CMAS: variants seen among roughly 807,000 people sequenced by gnomAD.
CMAS encodes the protein cytidine monophosphate N-acetylneuraminic acid synthetase.
CMAS carries 21 observed loss-of-function variants against 53.4 expected under a neutral mutation model. The ratio of observed to expected loss-of-function variants is 0.39; its 90% CI spans 0.28 to 0.57. The LOEUF (loss-of-function observed/expected upper bound fraction) is 0.57, where lower values mean the gene tolerates loss of function less well. CMAS is among the 20% of genes least tolerant of loss of function. The pLI is 0.56. For synonymous variants in CMAS, 189 were observed against 195.2 expected (o/e 0.97, Z 0.27); for missense variants, 384 against 534.9 (o/e 0.72, Z 2.78).
intron 1 of CMAS, among the ~76,000 whole-genome samples, chr12:22,047,178 A>G (rs997041137): frequency 6.6e-6 from 1 of 152,130 alleles, no homozygotes; most frequent in African/African-American, 2.4e-5. Context: ...AAGGTGTACA[A>G]CTGACTGTTT....
At chr12:22,049,750 C>G (rs1305203362) in intron 1 of CMAS, among the ~76,000 whole-genome samples, 1 of 151,984 alleles carries the variant, frequency 6.6e-6, no homozygotes, top group Non-Finnish European at 1.5e-5. Flanking sequence ...ACCAAAAATA[C>G]AAAAATTAGC....
chr12:22,046,528 C>G lies in CMAS; in HGVS notation c.225C>G (p.Val75=). 1 of 1,601,804 alleles carries G rather than the reference C, an allele frequency of 6.2e-7. No individual in the cohort carries two copies. The highest frequency in any genetic ancestry group is 1.3e-5 in the African/African-American group (1 of 74,180). The change falls in exon 1 of 8, where the codon GTC becomes GTG. Residue 75 remains valine (V), a synonymous_variant. Coordinates refer to ENST00000229329, the MANE Select transcript of CMAS (RefSeq NM_018686.6). ...CGGGGGTCCCGCTCATTGGCTGGGT[C>G]CTGCGTGCGGCCCTGGATTCAGGGG... ...HLAGVPLIGW[V]LRAALDSGAF... is the part of the protein sequence containing the mutation.
chr12:22,049,950 A>G (rs1359429205), intron 1 of CMAS, among the ~76,000 whole-genome samples: 1 of 151,994 alleles, frequency 6.6e-6, no homozygotes, highest in Non-Finnish European at 1.5e-5. Context: ...AAATGAATGT[A>G]TTTCTAACTT....
In CMAS at chr12:22,065,515, CAAGT is replaced by C. The variant is rs1950341763; in HGVS notation, c.*208_*211del. 1 of 500,038 alleles carries C rather than the reference CAAGT, an allele frequency of 2.0e-6. No individual in the cohort carries two copies. Among genetic ancestry groups the C allele is most frequent in the Non-Finnish European group, 3.6e-6 (1 of 277,408 alleles). 31.0% of individuals were successfully genotyped at this position (500,038 alleles called of 1,614,324 possible). Reference sequence around the variant, plus strand: ...GTCTTTCTCAGATTTTTAGTAAATGCAAGTAAGAACATCATCAAAGTTCACTTTG... The same window carrying C: ...GTCTTTCTCAGATTTTTAGTAAATGCAAGAACATCATCAAAGTTCACTTTG... On this transcript the variant is annotated 3_prime_UTR_variant, in exon 8 of 8. Coordinates refer to ENST00000229329, the MANE Select transcript of CMAS (RefSeq NM_018686.6).
intron 1 of CMAS, among the ~76,000 whole-genome samples, chr12:22,053,020 G>A (rs746268427): frequency 3.9e-5 from 6 of 152,188 alleles, no homozygotes; most frequent in South Asian, 2.1e-4. Flanking sequence ...TCAGCCGAGC[G>A]TGGTGGCTTA....
chr12:22,048,381 G>C (rs531740818), intron 1 of CMAS, among the ~76,000 whole-genome samples: 1 of 152,282 alleles, frequency 6.6e-6, no homozygotes, highest in Admixed American at 6.5e-5. Context: ...ACTGAGAACT[G>C]CAGAACTCTC....
intron 3 of CMAS, among the ~76,000 whole-genome samples, chr12:22,057,260 C>A (rs1035813226): frequency 6.6e-6 from 1 of 150,760 alleles, no homozygotes; most frequent in Non-Finnish European, 1.5e-5. Flanking sequence ...CACACACACA[C>A]ACACACACAC....
chr12:22,062,259 CCTTTT>C lies in CMAS; in HGVS notation c.961-21_961-17del. 1 of 1,376,208 alleles carries C rather than the reference CCTTTT, an allele frequency of 7.3e-7. No individual in the cohort carries two copies. Among genetic ancestry groups the C allele is most frequent in the Non-Finnish European group, 9.7e-7 (1 of 1,027,342 alleles). 85.2% of individuals were successfully genotyped at this position (1,376,208 alleles called of 1,614,324 possible). A position where few individuals can be genotyped will look rare whatever the true frequency, so the allele number is the denominator to read the frequency against. On this transcript the variant is annotated splice_polypyrimidine_tract_variant and intron_variant, in intron 6 of 7. Transcript: ENST00000229329. The stretch of plus-strand genomic sequence containing the variant: ...TTAATTTTTCCCTTCTTCCTCCAAT[CCTTTT>C]TTTTTTTTTTTTTAAGGTGAGGCTA...
chr12:22,062,682 C>G (rs1950316691), intron 7 of CMAS, among the ~76,000 whole-genome samples: 2 of 152,042 alleles, frequency 1.3e-5, no homozygotes, highest in Admixed American at 1.3e-4. Flanking sequence ...CACTGATTAG[C>G]CAGTTGTGAT....
At chr12:22,062,107 C>T (rs532677346) in intron 6 of CMAS, among the ~76,000 whole-genome samples, 174 bp from the exon 7 acceptor site, 13 of 152,238 alleles carry the variant, frequency 8.5e-5, no homozygotes, top group African/African-American at 2.9e-4. Context: ...TGTTTTAAAG[C>T]ATCATGATTT....
At chr12:22,047,036 G>A (rs894583276) in intron 1 of CMAS, among the ~76,000 whole-genome samples, 3 of 152,128 alleles carry the variant, frequency 2.0e-5, no homozygotes, top group Non-Finnish European at 2.9e-5. Context: ...GAGTGTCGGG[G>A]TGTCAGAGCT....
At chr12:22,047,517 T>G (rs993189988) in intron 1 of CMAS, among the ~76,000 whole-genome samples, 2 of 152,184 alleles carry the variant, frequency 1.3e-5, no homozygotes, top group African/African-American at 4.8e-5. Context: ...TATTAATATA[T>G]GGGTAAATGA....
At chr12:22,058,778 C>T (rs1950286632) in intron 4 of CMAS, 78 bp downstream of exon 4, 4 of 1,478,628 alleles carry the variant, frequency 2.7e-6, no homozygotes, top group African/African-American at 1.4e-5. Context: ...AAGTATGGTA[C>T]AATTTCTTTA....
intron 1 of CMAS, among the ~76,000 whole-genome samples, chr12:22,049,590 G>A (rs4237918): frequency 1 from 151,875 of 152,338 alleles, 75,708 homozygotes; most frequent in Middle Eastern, 1. Flanking sequence ...CAAGCCACCT[G>A]TGGTATCTGT....
At chr12:22,050,130 C>G (rs1950231867) in intron 1 of CMAS, among the ~76,000 whole-genome samples, 1 of 152,142 alleles carries the variant, frequency 6.6e-6, no homozygotes, top group Admixed American at 6.5e-5. Context: ...AGTAATTGTG[C>G]CTTTGTTTTC....
intron 7 of CMAS, 83 bp downstream of exon 7, chr12:22,062,517 C>A: frequency 7.4e-7 from 1 of 1,350,378 alleles, no homozygotes; most frequent in Non-Finnish European, 1.0e-6. Context: ...CAAAGCACAT[C>A]CTCCAAATGG....
rs551769747 is a variant in CMAS at position 22,059,119 on chromosome 12, G to A, written c.693+419G>A. Among the ~76,000 whole-genome samples, 12 of 142,178 alleles carry A rather than the reference G, an allele frequency of 8.4e-5. No homozygotes were observed. The South Asian group carries it at 1.1e-3, about 13-fold the overall frequency. 93.3% of individuals were successfully genotyped at this position (142,178 alleles called of 152,430 possible). Reference sequence around the variant, plus strand: ...TTACAACCTGGGTGTCAGGAAACCCGGAATCTTTTTATATATATATATATA... The same window carrying A: ...TTACAACCTGGGTGTCAGGAAACCCAGAATCTTTTTATATATATATATATA... On this transcript the variant is annotated intron_variant, in intron 4 of 7. Transcript: ENST00000229329.
In CMAS at chr12:22,055,538, G is replaced by A. The variant is rs772211498; in HGVS notation, c.487G>A (p.Glu163Lys). Residue 163 changes from glutamate (E) to lysine (K), a missense_variant, in exon 3 of 8, where the codon GAA (glutamate) becomes AAA (lysine). Around this residue, in one of 3 missense-constraint regions of CMAS, gnomAD observed 139 missense variants for 248.0 expected, o/e 0.56. Transcript: ENST00000229329. ...TCAAAAAGTTGCAGAAATGATTCGA[G>A]AAGAAGGATATGATTCTGTTTTCTC... ...DLQKVAEMIREEGYDSVFSVV... is the reference protein window; with the variant it reads ...DLQKVAEMIRKEGYDSVFSVV... 3.3e-5 allele frequency: 53 copies of A among 1,612,266 alleles called. No individual in the cohort carries two copies. Among genetic ancestry groups the A allele is most frequent in the Non-Finnish European group, 4.2e-5 (49 of 1,179,556 alleles).
In CMAS at chr12:22,055,268, T is replaced by C. The variant is rs371108787; in HGVS notation, c.380T>C (p.Ile127Thr). 68 of 1,605,334 alleles carry C rather than the reference T, an allele frequency of 4.2e-5. No individual in the cohort carries two copies. The highest frequency in any genetic ancestry group is 5.7e-5 in the Non-Finnish European group (67 of 1,174,058). The part of the protein sequence containing the change: ...KDSSTSLDAI[I>T]EFLNYHNEVD... ...AGCTCTACCTCACTAGATGCCATCA[T>C]AGAATTTCTTAATTATCATAATGGT... The change falls in exon 2 of 8, where the codon ATA becomes ACA. Residue 127 changes from isoleucine (I) to threonine (T), a missense_variant. Physicochemically the swap from Ile to Thr is moderately conservative, Grantham distance 89. Coordinates refer to ENST00000229329, the MANE Select transcript of CMAS (RefSeq NM_018686.6).
Sources: gnomAD v4.1 joint callset for allele counts (sites outside exome capture counted in the v4.1 genomes callset) on GRCh38, gnomAD v4.1.1 for gene constraint, gnomAD v4.1.1 regional missense constraint, MANE v1.5 for transcripts, NCBI Gene and HGNC (gene_info 2026-07-23, HGNC 2026-07-21) for gene names.